The following RNGTT variants were observed in gnomAD, a reference collection of about 807,000 sequenced individuals.
RNGTT encodes the protein mRNA-capping enzyme.
Under a neutral mutation model 79.3 loss-of-function variants are expected in RNGTT, and 33 were observed. The observed-to-expected ratio is 0.42, with a 90% confidence interval of 0.32 to 0.56. RNGTT has a LOEUF of 0.56. Among genes scored for constraint, RNGTT ranks in the 20% least tolerant of loss-of-function variants. The pLI is 0.17. For synonymous variants in RNGTT, 222 were observed against 235.9 expected (o/e 0.94, Z 0.54); for missense variants, 497 against 739.1 (o/e 0.67, Z 3.80).
At chr6:88,733,708 G>GA (rs1215045031) in intron 13 of RNGTT, among the ~76,000 whole-genome samples, 1 of 151,580 alleles carries the variant, frequency 6.6e-6, no homozygotes, top group African/African-American at 2.4e-5. Flanking sequence ...GAAACCAGAG[G>GA]AAAAACTCCT....
chr6:88,904,633 G>T, intron 6 of RNGTT, 82 bp downstream of exon 6: 2 of 1,418,258 alleles, frequency 1.4e-6, no homozygotes, highest in East Asian at 2.4e-5. Context: ...AAGAAACATG[G>T]CCAATATTCC....
At chr6:88,646,041 G>C (rs553743128) in intron 14 of RNGTT, among the ~76,000 whole-genome samples, 5 of 152,278 alleles carry the variant, frequency 3.3e-5, no homozygotes, top group Non-Finnish European at 4.4e-5. Flanking sequence ...CACAGCAAAA[G>C]AAACTACCAT....
intron 8 of RNGTT, among the ~76,000 whole-genome samples, chr6:88,854,313 T>G (rs1781772545): frequency 6.6e-6 from 1 of 152,162 alleles, no homozygotes. Flanking sequence ...ATGGAGATAA[T>G]GTGATATTCA....
intron 14 of RNGTT, among the ~76,000 whole-genome samples, chr6:88,638,736 T>C (rs1358659222): frequency 2.6e-5 from 4 of 152,156 alleles, no homozygotes; most frequent in African/African-American, 9.6e-5. Context: ...CTACAAAAAG[T>C]GAGACGTTAA....
At chr6:88,834,399 A>G (rs1780990738) in intron 11 of RNGTT, among the ~76,000 whole-genome samples, 1 of 152,226 alleles carries the variant, frequency 6.6e-6, no homozygotes, top group African/African-American at 2.4e-5. Context: ...TTCAATAATC[A>G]ATAATGAATG....
intron 8 of RNGTT, among the ~76,000 whole-genome samples, chr6:88,855,733 G>C (rs1048313387): frequency 1.3e-5 from 2 of 152,132 alleles, no homozygotes; most frequent in Non-Finnish European, 2.9e-5. Context: ...CTGTGTATCT[G>C]AAAGACTCCT....
intron 14 of RNGTT, among the ~76,000 whole-genome samples, chr6:88,659,716 T>C (rs1774112195): frequency 6.6e-6 from 1 of 152,128 alleles, no homozygotes; most frequent in Non-Finnish European, 1.5e-5. Flanking sequence ...TCTAGAAATT[T>C]AGAAAACTTA....
chr6:88,795,590 G>A (rs982988085), intron 12 of RNGTT, among the ~76,000 whole-genome samples: 5 of 152,142 alleles, frequency 3.3e-5, no homozygotes, highest in Middle Eastern at 6.8e-3. Context: ...TGTAGATGAC[G>A]GGTTGATGAG....
intron 14 of RNGTT, among the ~76,000 whole-genome samples, chr6:88,623,522 A>G (rs1772515226): frequency 6.6e-6 from 1 of 151,930 alleles, no homozygotes; most frequent in African/African-American, 2.4e-5. Flanking sequence ...TCCATTACTC[A>G]GGCCTATTAA....
chr6:88,845,702 A>G (rs1234518715), intron 10 of RNGTT, among the ~76,000 whole-genome samples: 1 of 152,182 alleles, frequency 6.6e-6, no homozygotes, highest in East Asian at 1.9e-4. Flanking sequence ...CTTTTTCTCA[A>G]CTTTAGAAGG....
intron 14 of RNGTT, among the ~76,000 whole-genome samples, chr6:88,618,007 C>T (rs1372817800): frequency 6.6e-6 from 1 of 151,862 alleles, no homozygotes; most frequent in Middle Eastern, 3.2e-3. Context: ...GTGTAGTCTG[C>T]ACTTTTGCTG....
intron 13 of RNGTT, among the ~76,000 whole-genome samples, chr6:88,738,080 GTCAACA>G (rs1436762589): frequency 1.3e-5 from 2 of 152,050 alleles, no homozygotes; most frequent in Non-Finnish European, 2.9e-5. Context: ...GGTGGTCAAG[GTCAACA>G]TCAAAAATCA....
At chr6:88,639,641 A>G (rs946339474) in intron 14 of RNGTT, among the ~76,000 whole-genome samples, 2 of 152,032 alleles carry the variant, frequency 1.3e-5, no homozygotes, top group African/African-American at 2.4e-5. Flanking sequence ...ATCTCCTTGG[A>G]AGGATAGATT....
intron 11 of RNGTT, among the ~76,000 whole-genome samples, chr6:88,810,207 T>G (rs570361762): frequency 7.6e-4 from 116 of 152,216 alleles, no homozygotes; most frequent in Middle Eastern, 3.4e-3. Context: ...GCTGAGATAG[T>G]GTACACAATA....
At chr6:88,903,237 G>A (rs1233332224) in intron 6 of RNGTT, among the ~76,000 whole-genome samples, 1 of 152,150 alleles carries the variant, frequency 6.6e-6, no homozygotes, top group Non-Finnish European at 1.5e-5. Flanking sequence ...GCTTGTAAGA[G>A]ATACACTGTA....
At chr6:88,829,425 C>T (rs533979385) in intron 11 of RNGTT, among the ~76,000 whole-genome samples, 2 of 152,206 alleles carry the variant, frequency 1.3e-5, no homozygotes, top group East Asian at 1.9e-4. Flanking sequence ...AAAAACATAC[C>T]AAATTGTAAA....
rs1018593997 is a variant in RNGTT at position 88,892,051 on chromosome 6, C to A, written c.685-136G>T. 1.2e-5 allele frequency: 7 copies of A among 596,396 alleles called. No homozygotes were observed. The highest frequency in any genetic ancestry group is 1.2e-4 in the African/African-American group (6 of 51,840). The allele number at this position is 596,396 out of a possible 1,614,324, so 36.9% of individuals were successfully genotyped here. A position where few individuals can be genotyped will look rare whatever the true frequency, so the allele number is the denominator to read the frequency against. ...AGCAAGTCAATATATCTAACAGAAACGGTCTGCTGTATAAACTCCCCTAAG... is the reference window on the plus strand; with the variant it reads ...AGCAAGTCAATATATCTAACAGAAAAGGTCTGCTGTATAAACTCCCCTAAG... On this transcript the variant is annotated intron_variant, in intron 6 of 15. Transcript: ENST00000369485.
chr6:88,788,332 G>A (rs939353588), intron 12 of RNGTT, among the ~76,000 whole-genome samples: 4 of 152,048 alleles, frequency 2.6e-5, no homozygotes, highest in African/African-American at 7.3e-5. Flanking sequence ...GGAAGAGCTC[G>A]AAAGGGACCG....
chr6:88,805,642 C>T (rs1361925586), intron 11 of RNGTT, among the ~76,000 whole-genome samples: 1 of 152,084 alleles, frequency 6.6e-6, no homozygotes, highest in Non-Finnish European at 1.5e-5. Context: ...GAGGGAAGAC[C>T]CACTGAGGAA....
Sources: gnomAD v4.1 joint callset for allele counts (sites outside exome capture counted in the v4.1 genomes callset) on GRCh38, gnomAD v4.1.1 for gene constraint, MANE v1.5 for transcripts, NCBI Gene and HGNC (gene_info 2026-07-23, HGNC 2026-07-21) for gene names.